Variants in EXOC4 observed in about 807,000 individuals in gnomAD.
EXOC4 encodes SEC8-like 1.
EXOC4 carries 71 observed loss-of-function variants against 107.2 expected under a neutral mutation model. The ratio of observed to expected loss-of-function variants is 0.66; its 90% CI spans 0.55 to 0.81. The LOEUF (loss-of-function observed/expected upper bound fraction) is 0.81, where lower values mean the gene tolerates loss of function less well. EXOC4 is among the 30% of genes least tolerant of loss of function. EXOC4 has a pLI of 0.00. For missense variants in EXOC4, 1,108 were observed against 1,189.6 expected, an observed-to-expected ratio of 0.93 and a Z score of 1.01; for synonymous variants, 456 against 441.2, an observed-to-expected ratio of 1.03 and a Z score of -0.42.
intron 17 of EXOC4, among the ~76,000 whole-genome samples, chr7:134,020,225 A>G (rs1794998595): frequency 6.6e-6 from 1 of 152,198 alleles, no homozygotes; most frequent in South Asian, 2.1e-4. Flanking sequence ...TTGCAGGGAA[A>G]TTGTTTTAAG....
chr7:133,723,493 T>TTTTTG (rs1554392480), intron 10 of EXOC4, among the ~76,000 whole-genome samples: 1 of 150,896 alleles, frequency 6.6e-6, no homozygotes, highest in Non-Finnish European at 1.5e-5. Context: ...TTTCTTTCTT[T>TTTTTG]TTTGTTTGTT....
intron 13 of EXOC4, among the ~76,000 whole-genome samples, chr7:133,937,169 C>T (rs1280434373): frequency 6.6e-6 from 1 of 152,086 alleles, no homozygotes; most frequent in Admixed American, 6.6e-5. Context: ...CCCCCTGTAA[C>T]TTGATTTTTC....
intron 9 of EXOC4, among the ~76,000 whole-genome samples, chr7:133,530,735 AGTGGAACCTAGGG>A (rs1198844517): frequency 6.6e-6 from 1 of 152,204 alleles, no homozygotes; most frequent in East Asian, 1.9e-4. Context: ...GTTCGGTATA[AGTGGAACCTAGGG>A]GTTTTGAGAG....
chr7:133,562,592 A>T (rs1800830563), intron 9 of EXOC4, among the ~76,000 whole-genome samples: 1 of 152,200 alleles, frequency 6.6e-6, no homozygotes, highest in African/African-American at 2.4e-5. Context: ...TGTTTTCACA[A>T]GTGTGTGAAG....
chr7:133,966,338 C>T (rs1801065428), intron 14 of EXOC4, among the ~76,000 whole-genome samples: 1 of 152,136 alleles, frequency 6.6e-6, no homozygotes, highest in Non-Finnish European at 1.5e-5. Context: ...TGCCTGATTG[C>T]CCTGGCCAGA....
At chr7:133,835,465 A>G (rs1210177763) in intron 11 of EXOC4, among the ~76,000 whole-genome samples, 1 of 152,190 alleles carries the variant, frequency 6.6e-6, no homozygotes, top group Non-Finnish European at 1.5e-5. Context: ...GATAAGAGAC[A>G]AAGGGTTGCA....
At chr7:133,263,867 C>A (rs1282943784) in intron 1 of EXOC4, among the ~76,000 whole-genome samples, 1 of 152,052 alleles carries the variant, frequency 6.6e-6, no homozygotes. Flanking sequence ...TCCCTCTCCC[C>A]TAGACACTTT....
intron 9 of EXOC4, among the ~76,000 whole-genome samples, chr7:133,546,772 G>T (rs1278075019): frequency 1.3e-5 from 2 of 151,944 alleles, no homozygotes; most frequent in Non-Finnish European, 2.9e-5. Context: ...TGGCTTCTCT[G>T]CTCTGGTATA....
chr7:133,267,246 C>T lies in EXOC4; in HGVS notation c.87-7736C>T, dbSNP rs186307388. The stretch of plus-strand genomic sequence containing the variant: ...CAGGCTTTGGCTGGGTGCTCTTCCC[C>T]GAGTAGTTTCATAGAACACTCAGAG... On this transcript the variant is annotated intron_variant, in intron 1 of 17. Coordinates refer to ENST00000253861, the MANE Select transcript of EXOC4 (RefSeq NM_021807.4). Among the ~76,000 whole-genome samples, 31 of 152,238 alleles carry T rather than the reference C, an allele frequency of 2.0e-4. 1 individual carries two copies. The East Asian group carries it at 4.8e-3, about 24-fold the overall frequency.
chr7:133,314,347 T>C (rs969412635), intron 4 of EXOC4, among the ~76,000 whole-genome samples: 3 of 152,178 alleles, frequency 2.0e-5, no homozygotes, highest in Non-Finnish European at 4.4e-5. Context: ...TAAAGTCATT[T>C]CCAGAGTTAC....
chr7:133,602,450 T>C (rs1801831420), intron 9 of EXOC4, among the ~76,000 whole-genome samples: 1 of 152,200 alleles, frequency 6.6e-6, no homozygotes, highest in African/African-American at 2.4e-5. Flanking sequence ...GATTGAGTTG[T>C]GTGGCAGCCC....
chr7:133,604,088 G>T (rs1434098719), intron 9 of EXOC4, among the ~76,000 whole-genome samples: 1 of 151,806 alleles, frequency 6.6e-6, no homozygotes, highest in African/African-American at 2.4e-5. Context: ...ACAGGGTCAG[G>T]ATCATCAGTA....
intron 5 of EXOC4, among the ~76,000 whole-genome samples, chr7:133,332,235 TA>T (rs1304136598): frequency 6.6e-6 from 1 of 152,220 alleles, no homozygotes; most frequent in Non-Finnish European, 1.5e-5. Flanking sequence ...GGTTAAGCAG[TA>T]AAAACCTAAA....
chr7:133,844,742 C>T (rs181721457), intron 11 of EXOC4, among the ~76,000 whole-genome samples: 45 of 152,166 alleles, frequency 3.0e-4, no homozygotes, highest in Non-Finnish European at 5.9e-4. Context: ...CCATACCTCC[C>T]TACCATGCTT....
At chr7:133,533,332 C>T (rs10276325) in intron 9 of EXOC4, among the ~76,000 whole-genome samples, 129,057 of 152,072 alleles carry the variant, frequency 0.85, 55,116 homozygotes, top group East Asian at 0.95. Flanking sequence ...TCTATAAACG[C>T]TTGTGTTGAA....
In EXOC4 at chr7:133,374,957, G is replaced by A. The variant is rs758062881; in HGVS notation, c.1137G>A (p.Leu379=). 5.0e-6 allele frequency: 8 copies of A among 1,613,938 alleles called. No homozygotes were observed. In the African/African-American group the frequency reaches 9.3e-5, roughly 19 times the overall value. Residue 379 remains leucine (L), a synonymous_variant, in exon 7 of 18, where the codon CTG becomes CTA. Transcript: ENST00000253861. ...TPLTQQEDIK[L]YDMADVWVKI... is the part of the protein sequence containing the mutation. ...TGACTCAGCAGGAAGATATCAAACT[G>A]TATGATATGGCAGATGTATGGGTGA...
At chr7:133,326,982 T>C (rs1795260297) in intron 5 of EXOC4, among the ~76,000 whole-genome samples, 1 of 152,200 alleles carries the variant, frequency 6.6e-6, no homozygotes, top group African/African-American at 2.4e-5. Context: ...TGAGTGAGGC[T>C]CCATGGGCGT....
chr7:133,292,501 T>C (rs1266506694), intron 3 of EXOC4, among the ~76,000 whole-genome samples: 1 of 152,202 alleles, frequency 6.6e-6, no homozygotes, highest in Non-Finnish European at 1.5e-5. Flanking sequence ...TTAAGGTTTC[T>C]AGTTACTGGT....
chr7:133,973,861 G>A (rs181147396), intron 14 of EXOC4, among the ~76,000 whole-genome samples: 62 of 152,336 alleles, frequency 4.1e-4, no homozygotes, highest in African/African-American at 1.4e-3. Flanking sequence ...TGGAGGATGG[G>A]AAGTCCCAAA....
Sources: allele counts gnomAD v4.1 joint callset (sites outside exome capture counted in the v4.1 genomes callset), GRCh38; gene constraint gnomAD v4.1.1; transcripts MANE v1.5; gene names NCBI Gene and HGNC (gene_info 2026-07-23, HGNC 2026-07-21).